Variants in DDR2 observed in about 807,000 individuals in gnomAD.
DDR2 encodes discoidin domain receptor tyrosine kinase 2.
A neutral mutation model predicts 94.9 loss-of-function variants in DDR2; 27 were observed. The observed-to-expected ratio is 0.28, with a 90% CI of 0.21 to 0.39. The LOEUF (loss-of-function observed/expected upper bound fraction) is 0.39, where lower values mean the gene tolerates loss of function less well. Among genes scored for constraint, DDR2 ranks in the 10% least tolerant of loss-of-function variants. The probability of loss-of-function intolerance (pLI) is 1.00; values close to 1 mark genes in which losing one functional copy is unlikely to be tolerated. For synonymous variants in DDR2, 382 were observed against 377.2 expected, an observed-to-expected ratio of 1.01 and a Z score of -0.15; for missense variants, 783 against 1,076.0, an observed-to-expected ratio of 0.73 and a Z score of 3.81.
chr1:162,675,879 G>A (rs1317730002), intron 2 of DDR2, among the ~76,000 whole-genome samples: 1 of 152,208 alleles, frequency 6.6e-6, no homozygotes, highest in Non-Finnish European at 1.5e-5. Context: ...AGAGCTGAAA[G>A]TGTAGACAGG....
chr1:162,761,163 C>T, intron 8 of DDR2, 48 bp from the exon 9 acceptor site: 2 of 1,612,668 alleles, frequency 1.2e-6, no homozygotes, highest in Non-Finnish European at 1.7e-6. Context: ...TGTCTCCATG[C>T]ACCTTAGCAG....
chr1:162,643,732 C>T lies in DDR2; in HGVS notation c.-192+11101C>T, dbSNP rs191136179. On this transcript the variant is annotated intron_variant, in intron 1 of 17. Coordinates refer to ENST00000367921, the MANE Select transcript of DDR2 (RefSeq NM_006182.4). ...CTGACCTCAGGTGATCCACCTGCCT[C>T]GGCCTCCCAAAGTGCTGGGATTACA... Among the ~76,000 whole-genome samples the T allele has an allele frequency of 1.3e-3, 194 of 152,262 alleles. 1 individual carries two copies. The highest frequency in any genetic ancestry group is 4.3e-3 in the African/African-American group (178 of 41,546).
At chr1:162,737,565 A>T (rs1024094766) in intron 3 of DDR2, among the ~76,000 whole-genome samples, 4 of 130,164 alleles carry the variant, frequency 3.1e-5, no homozygotes, top group African/African-American at 1.2e-4. Flanking sequence ...ACATTGTTGG[A>T]CATTTGGGTT....
intron 2 of DDR2, among the ~76,000 whole-genome samples, chr1:162,704,205 A>T (rs1230394442): frequency 6.6e-6 from 1 of 152,122 alleles, no homozygotes; most frequent in African/African-American, 2.4e-5. Context: ...GGTAGATGGG[A>T]TATAGATAAA....
intron 3 of DDR2, among the ~76,000 whole-genome samples, chr1:162,744,044 A>G (rs1307805157): frequency 6.6e-6 from 1 of 152,216 alleles, no homozygotes; most frequent in African/African-American, 2.4e-5. Context: ...GCATGCATCA[A>G]TAGTTCATTT....
intron 1 of DDR2, among the ~76,000 whole-genome samples, chr1:162,633,061 T>C (rs1386278610): frequency 6.6e-6 from 1 of 152,196 alleles, no homozygotes; most frequent in Non-Finnish European, 1.5e-5. Flanking sequence ...GGAGATAGTG[T>C]AGACCAAGCA....
chr1:162,633,573 G>A (rs1315362808), intron 1 of DDR2, among the ~76,000 whole-genome samples: 1 of 152,224 alleles, frequency 6.6e-6, no homozygotes, highest in African/African-American at 2.4e-5. Context: ...CTGTAGTGGA[G>A]CTGAAAATGA....
intron 1 of DDR2, among the ~76,000 whole-genome samples, chr1:162,643,346 T>C: frequency 6.6e-6 from 1 of 152,292 alleles, no homozygotes; most frequent in Admixed American, 6.5e-5. Context: ...CTAACAAAGA[T>C]GCTCAGAATG....
intron 2 of DDR2, among the ~76,000 whole-genome samples, chr1:162,666,005 CT>C (rs1051076382): frequency 1.1e-4 from 17 of 152,100 alleles, no homozygotes; most frequent in African/African-American, 3.6e-4. Context: ...CATTGCTCCC[CT>C]TTTTTCTTTT....
In DDR2 at chr1:162,770,537, T is replaced by C. The variant is rs1780003; in HGVS notation, c.1504+25T>C. 0.99 allele frequency: 1,598,035 copies of C among 1,611,812 alleles called. 793,088 individuals are homozygous for C. Among genetic ancestry groups the C allele is most frequent in the East Asian group, 1 (44,775 of 44,778 alleles). ...GGTGAGGATGATGTGGTGGGCAGGG[T>C]GTCAAGGGAGAAACCTCAGCAAGCA... On this transcript the variant is annotated intron_variant, in intron 12 of 17. Transcript: ENST00000367921.
In DDR2 at chr1:162,761,237, A is replaced by C; in HGVS notation, c.882A>C (p.Lys294Asn). ...TCCACTGCAACAACATGTTTGCTAA[A>C]GGTGTGAAGATCTTTAAGGAGGTAC... is the stretch of plus-strand genomic sequence containing the variant. ...MKVHCNNMFA[K>N]GVKIFKEVQC... The change falls in exon 9 of 18, where the codon AAA (lysine) becomes AAC (asparagine). Residue 294 changes from lysine (K) to asparagine (N), a missense_variant. Transcript: ENST00000367921. The C allele has an allele frequency of 3.1e-6, 5 of 1,614,116 alleles. No individual in the cohort carries two copies. The highest frequency in any genetic ancestry group is 4.2e-6 in the Non-Finnish European group (5 of 1,180,002).
rs753774637 is a variant in DDR2, at chr1:162,770,481, C to T, written c.1473C>T (p.Leu491=). The change falls in exon 12 of 18, where the codon CTC becomes CTT. Residue 491 remains leucine, a synonymous_variant. Transcript: ENST00000367921. Reference sequence around the variant, plus strand: ...AGCCATCCAGGCTGATACGAAAACTCCCAGAATTTGCTCCAGGGGAGGAGG... The same window carrying T: ...AGCCATCCAGGCTGATACGAAAACTTCCAGAATTTGCTCCAGGGGAGGAGG... The part of the protein sequence containing the change: ...YQEPSRLIRK[L]PEFAPGEEES... The T allele has an allele frequency of 1.5e-5, 25 of 1,614,010 alleles. No homozygotes were observed. The African/African-American group carries it at 2.9e-4, about 19-fold the overall frequency.
Position 162,784,857 on chromosome 1 carries a change from G to A in DDR2, c.*4611G>A, listed in dbSNP as rs1648085451. ...ACCAGAAAATTAACATTGGCATAAT[G>A]CTATTAACTAAACTACAGACCTTTT... On this transcript the variant is annotated 3_prime_UTR_variant, in exon 18 of 18. Transcript: ENST00000367921. 6.6e-6 allele frequency: 1 copy of A among 152,108 alleles called. No individual in the cohort carries two copies. Among genetic ancestry groups the A allele is most frequent in the African/African-American group, 2.4e-5 (1 of 41,428 alleles). The allele number at this position is 152,108 out of a possible 1,614,324, so 9.4% of individuals were successfully genotyped here.
At chr1:162,684,583 T>C (rs149333735) in intron 2 of DDR2, among the ~76,000 whole-genome samples, 1 of 152,296 alleles carries the variant, frequency 6.6e-6, no homozygotes, top group African/African-American at 2.4e-5. Flanking sequence ...TTTGGCCATG[T>C]GAACTTCTGA....
At position 162,754,881 on chromosome 1, in the gene DDR2, T is replaced by G. The variant is rs1410666946; in HGVS notation, c.417+26T>G. The G allele has an allele frequency of 3.7e-6, 6 of 1,612,760 alleles. No homozygotes were observed. The Admixed American group carries it at 1.0e-4, about 27-fold the overall frequency. ...GTAGGAAGAAGAGACATCCAGATCC[T>G]GGATGTCCAAGACCATATTTTGACT... is the stretch of plus-strand genomic sequence containing the variant. On this transcript the variant is annotated intron_variant, in intron 5 of 17. Coordinates refer to ENST00000367921, the MANE Select transcript of DDR2 (RefSeq NM_006182.4).
intron 2 of DDR2, among the ~76,000 whole-genome samples, chr1:162,693,491 T>C (rs1441543967): frequency 6.6e-6 from 1 of 152,190 alleles, no homozygotes; most frequent in Non-Finnish European, 1.5e-5. Context: ...CCGGGAACTA[T>C]TTTAGGTACT....
At chr1:162,727,371 T>C (rs1661739737) in intron 3 of DDR2, among the ~76,000 whole-genome samples, 1 of 144,072 alleles carries the variant, frequency 6.9e-6, no homozygotes, top group South Asian at 2.1e-4. Context: ...TATGTATGTA[T>C]TTATATATAG....
At chr1:162,651,799 G>T (rs1657706546) in intron 1 of DDR2, among the ~76,000 whole-genome samples, 4 of 152,082 alleles carry the variant, frequency 2.6e-5, no homozygotes, top group African/African-American at 9.7e-5. Context: ...ATCCAAAAAT[G>T]AGTCGAATCT....
In DDR2 at chr1:162,727,276, A is replaced by C. The variant is rs895499968; in HGVS notation, c.82+8131A>C. On this transcript the variant is annotated intron_variant, in intron 3 of 17. Coordinates refer to ENST00000367921, the MANE Select transcript of DDR2 (RefSeq NM_006182.4). Reference sequence around the variant, plus strand: ...TTATATTTTGTAAATATAAATATAAATATAAATATATATATAAAATATGTA... The same window carrying C: ...TTATATTTTGTAAATATAAATATAACTATAAATATATATATAAAATATGTA... Among the ~76,000 whole-genome samples the C allele has an allele frequency of 2.0e-3, 283 of 138,986 alleles. 8 individuals carry two copies. Among genetic ancestry groups the C allele is most frequent in the African/African-American group, 6.9e-3 (268 of 38,806 alleles). 91.2% of individuals were successfully genotyped at this position (138,986 alleles called of 152,430 possible).
Sources: gnomAD v4.1 joint callset for allele counts (sites outside exome capture counted in the v4.1 genomes callset) on GRCh38, gnomAD v4.1.1 for gene constraint, MANE v1.5 for transcripts, NCBI Gene and HGNC (gene_info 2026-07-23, HGNC 2026-07-21) for gene names.